ZDHHC20: variants seen among roughly 807,000 people sequenced by gnomAD.
The protein encoded by ZDHHC20 is zDHHC palmitoyltransferase 20.
A neutral mutation model predicts 57.8 loss-of-function variants in ZDHHC20; 43 were observed. The observed-to-expected ratio is 0.74, with a 90% CI of 0.58 to 0.96. ZDHHC20 has a LOEUF of 0.96. Among genes scored for constraint, ZDHHC20 ranks in the 40% least tolerant of loss-of-function variants. ZDHHC20 has a pLI of 0.00. For synonymous variants in ZDHHC20, 157 were observed against 153.0 expected, an observed-to-expected ratio of 1.03 and a Z score of -0.19; for missense variants, 391 against 441.1, an observed-to-expected ratio of 0.89 and a Z score of 1.02.
chr13:21,402,953 ACT>A, intron 4 of ZDHHC20, 87 bp from the exon 5 acceptor site: 6 of 995,192 alleles, frequency 6.0e-6, no homozygotes, highest in East Asian at 2.6e-5. Flanking sequence ...AAAAAAAATA[ACT>A]CTGGGTAATT....
intron 8 of ZDHHC20, among the ~76,000 whole-genome samples, chr13:21,388,011 C>T (rs1227891460): frequency 6.6e-6 from 1 of 151,652 alleles, no homozygotes; most frequent in Non-Finnish European, 1.5e-5. Context: ...ATTTGGGATT[C>T]AAAGATAAAT....
intron 1 of ZDHHC20, among the ~76,000 whole-genome samples, chr13:21,447,434 A>G (rs1389759090): frequency 7.0e-6 from 1 of 142,260 alleles, no homozygotes; most frequent in Non-Finnish European, 1.6e-5. Context: ...CTGCGATTGC[A>G]GGCACGCGCC....
chr13:21,398,147 G>C lies in ZDHHC20; in HGVS notation c.594+2226C>G, dbSNP rs1877080895. On this transcript the variant is annotated intron_variant, in intron 7 of 12. Coordinates refer to ENST00000400590, the MANE Select transcript of ZDHHC20 (RefSeq NM_001330059.2). Reference sequence around the variant, plus strand: ...AATATTTACTGAACACCTACTGTGTGTTCAGTACTGGGCGACTAAGAAACA... The same window carrying C: ...AATATTTACTGAACACCTACTGTGTCTTCAGTACTGGGCGACTAAGAAACA... 5.3e-5 allele frequency among the ~76,000 whole-genome samples: 8 copies of C among 152,184 alleles called. No individual in the cohort carries two copies. The South Asian group carries it at 1.7e-3, about 32-fold the overall frequency.
intron 6 of ZDHHC20, among the ~76,000 whole-genome samples, chr13:21,401,065 C>T (rs1233240804): frequency 6.6e-6 from 1 of 151,886 alleles, no homozygotes; most frequent in African/African-American, 2.4e-5. Flanking sequence ...ACTGCTTAAG[C>T]CCAGGAGTGC....
chr13:21,451,519 A>G (rs184402859), intron 1 of ZDHHC20, among the ~76,000 whole-genome samples: 1 of 152,364 alleles, frequency 6.6e-6, no homozygotes, highest in African/African-American at 2.4e-5. Flanking sequence ...AATTCAATGT[A>G]CAAATGATGT....
intron 1 of ZDHHC20, among the ~76,000 whole-genome samples, chr13:21,444,845 T>C (rs1318506045): frequency 1.3e-5 from 2 of 152,034 alleles, no homozygotes; most frequent in African/African-American, 4.8e-5. Context: ...TGCTTGAGCT[T>C]AGGAGTTGGA....
intron 1 of ZDHHC20, among the ~76,000 whole-genome samples, chr13:21,456,122 T>C (rs976100914): frequency 7.9e-5 from 12 of 152,194 alleles, no homozygotes; most frequent in African/African-American, 2.4e-4. Flanking sequence ...GAATATCCTA[T>C]AGGCCGGGCA....
At chr13:21,453,925 C>A (rs1884683313) in intron 1 of ZDHHC20, among the ~76,000 whole-genome samples, 1 of 152,156 alleles carries the variant, frequency 6.6e-6, no homozygotes, top group South Asian at 2.1e-4. Context: ...TGGCTCAACG[C>A]AGCCTTGAAC....
chr13:21,428,281 C>T (rs981405204), intron 1 of ZDHHC20, among the ~76,000 whole-genome samples: 6 of 152,008 alleles, frequency 3.9e-5, no homozygotes, highest in East Asian at 2.0e-4. Context: ...AGTAAAGTGG[C>T]GTGATCTTGG....
At chr13:21,403,567 T>C (rs555751911) in intron 4 of ZDHHC20, among the ~76,000 whole-genome samples, 23 of 152,100 alleles carry the variant, frequency 1.5e-4, no homozygotes, top group Non-Finnish European at 3.2e-4. Flanking sequence ...AGTGATAATA[T>C]AGATAGCAGG....
chr13:21,415,887 A>AC (rs1046517854), intron 3 of ZDHHC20, among the ~76,000 whole-genome samples: 5 of 152,088 alleles, frequency 3.3e-5, no homozygotes, highest in African/African-American at 1.2e-4. Context: ...CTGCTACTCA[A>AC]CATCATTACT....
chr13:21,413,204 C>T (rs1327851225), intron 4 of ZDHHC20, among the ~76,000 whole-genome samples: 1 of 152,020 alleles, frequency 6.6e-6, no homozygotes, highest in Non-Finnish European at 1.5e-5. Context: ...AGTTCACAGC[C>T]TGACTCTCAG....
chr13:21,441,236 ATG>A (rs1883120002), intron 1 of ZDHHC20, among the ~76,000 whole-genome samples: 2 of 152,240 alleles, frequency 1.3e-5, no homozygotes, highest in African/African-American at 2.4e-5. Context: ...AAAGTATGAA[ATG>A]TCTTTCCATT....
intron 4 of ZDHHC20, among the ~76,000 whole-genome samples, chr13:21,409,079 C>T (rs1036079004): frequency 1.3e-5 from 2 of 151,998 alleles, no homozygotes; most frequent in African/African-American, 2.4e-5. Context: ...CTTTTTTTGT[C>T]ACATCTCTGC....
chr13:21,401,639 T>C lies in ZDHHC20; in HGVS notation c.473+14A>G. 4 of 1,535,534 alleles carry C rather than the reference T, an allele frequency of 2.6e-6. No individual in the cohort carries two copies. The highest frequency in any genetic ancestry group is 3.5e-6 in the Non-Finnish European group (4 of 1,143,358). ...TCACCACCAATGCAATTTCTTCTGT[T>C]TTTTTATACATACCAAGGACAGTGA... On this transcript the variant is annotated intron_variant, in intron 6 of 12. Coordinates refer to ENST00000400590, the MANE Select transcript of ZDHHC20 (RefSeq NM_001330059.2).
intron 7 of ZDHHC20, among the ~76,000 whole-genome samples, chr13:21,392,239 A>C (rs1382162640): frequency 6.6e-6 from 1 of 151,866 alleles, no homozygotes; most frequent in African/African-American, 2.4e-5. Context: ...CAATAGCAAT[A>C]CTTCCAGTAA....
chr13:21,380,321 C>T (rs1480680160), intron 11 of ZDHHC20, among the ~76,000 whole-genome samples: 1 of 148,068 alleles, frequency 6.8e-6, no homozygotes, highest in African/African-American at 2.5e-5. Context: ...TCACCACGTT[C>T]GCCAAGCTGG....
rs1441743759 is a variant in ZDHHC20 at position 21,425,690 on chromosome 13, GA to G, written c.119-13del. 1 of 1,148,764 alleles carries G rather than the reference GA, an allele frequency of 8.7e-7. No homozygotes were observed. Among genetic ancestry groups the G allele is most frequent in the Non-Finnish European group, 1.2e-6 (1 of 853,920 alleles). The allele number at this position is 1,148,764 out of a possible 1,614,324, so 71.2% of individuals were successfully genotyped here. On this transcript the variant is annotated splice_polypyrimidine_tract_variant and intron_variant, in intron 1 of 12. Transcript: ENST00000400590. ...TCCAAAAATAGTAACTAGAATAGAA[GA>G]AAAAATAGTGAATAAATATACTTTA... is the stretch of plus-strand genomic sequence containing the variant.
chr13:21,432,252 G>C (rs934628768), intron 1 of ZDHHC20, among the ~76,000 whole-genome samples: 1 of 151,804 alleles, frequency 6.6e-6, no homozygotes, highest in South Asian at 2.1e-4. Flanking sequence ...TAAAACCTCC[G>C]CTTCCTGGTT....
Sources: gnomAD v4.1 joint callset for allele counts (sites outside exome capture counted in the v4.1 genomes callset) on GRCh38, gnomAD v4.1.1 for gene constraint, MANE v1.5 for transcripts, NCBI Gene and HGNC (gene_info 2026-07-23, HGNC 2026-07-21) for gene names.